SPMIP11: variants seen among roughly 807,000 people sequenced by gnomAD.
The protein encoded by SPMIP11 is long intergenic non-protein coding RNA 935.
At chr12:48,759,710 G>A in the SPMIP11 span, among the ~76,000 whole-genome samples, 100 of 151,540 alleles carry the variant, frequency 6.6e-4, 1 homozygote, top group African/African-American at 2.3e-3. Flanking sequence ...GTTGGGTATG[G>A]TTATCAGGCA....
chr12:48,766,903 A>C, the SPMIP11 span: 61 of 152,500 alleles, frequency 4.0e-4, no homozygotes, highest in African/African-American at 1.5e-3. Flanking sequence ...TTCAGGCCAG[A>C]GTCAAGGAGG....
chr12:48,762,356 C>G, the SPMIP11 span, among the ~76,000 whole-genome samples: 5 of 61,222 alleles, frequency 8.2e-5, no homozygotes, highest in Admixed American at 5.1e-4. Flanking sequence ...CCCCGCCCAG[C>G]TTTTTTTTTT....
the SPMIP11 span, chr12:48,770,669 C>G: frequency 4.0e-6 from 5 of 1,251,794 alleles, no homozygotes; most frequent in Admixed American, 8.8e-5. Flanking sequence ...CCACAGGAGC[C>G]CTGATGGGAA....
the SPMIP11 span, among the ~76,000 whole-genome samples, chr12:48,741,257 G>A: frequency 1.1e-4 from 17 of 151,596 alleles, no homozygotes; most frequent in Admixed American, 1.1e-3. Context: ...CTCCATGTTG[G>A]TCAGGCTGGT....
the SPMIP11 span, among the ~76,000 whole-genome samples, chr12:48,757,893 C>G: frequency 6.6e-6 from 1 of 151,824 alleles, no homozygotes. Context: ...ACTTGGCAGG[C>G]TGATGCAGGA....
chr12:48,770,371 C>A, the SPMIP11 span, among the ~76,000 whole-genome samples: 1 of 152,172 alleles, frequency 6.6e-6, no homozygotes, highest in Non-Finnish European at 1.5e-5. Context: ...CTATTAACCA[C>A]TCCCATCCAC....
chr12:48,747,341 T>G, the SPMIP11 span, among the ~76,000 whole-genome samples: 1 of 152,124 alleles, frequency 6.6e-6, no homozygotes, highest in African/African-American at 2.4e-5. Context: ...AGCAACAGCC[T>G]GAAGAATGAG....
the SPMIP11 span, chr12:48,768,481 T>G: frequency 6.7e-7 from 1 of 1,503,214 alleles, no homozygotes; most frequent in Non-Finnish European, 9.2e-7. Context: ...CCTTTTGTGG[T>G]TAGCAGGGTC....
chr12:48,741,007 G>A, the SPMIP11 span, among the ~76,000 whole-genome samples: 1 of 151,618 alleles, frequency 6.6e-6, no homozygotes, highest in Non-Finnish European at 1.5e-5. Flanking sequence ...CATTTAGTGA[G>A]CGTGTCTCTT....
chr12:48,770,924 A>G, the SPMIP11 span: 6 of 1,614,204 alleles, frequency 3.7e-6, no homozygotes, highest in Non-Finnish European at 5.1e-6. Flanking sequence ...GGTGCTACCA[A>G]TCGTCTTGAT....
chr12:48,734,795 A>G, the SPMIP11 span, among the ~76,000 whole-genome samples: 5 of 151,960 alleles, frequency 3.3e-5, no homozygotes, highest in Non-Finnish European at 7.4e-5. Flanking sequence ...TGAGGTCAGC[A>G]GATCGAGACC....
At chr12:48,728,171 TA>T in the SPMIP11 span, among the ~76,000 whole-genome samples, 2 of 150,178 alleles carry the variant, frequency 1.3e-5, no homozygotes, top group African/African-American at 4.8e-5. Flanking sequence ...TGTTGGTGAC[TA>T]GGGTTAAGAC....
chr12:48,747,348 T>C, the SPMIP11 span, among the ~76,000 whole-genome samples: 1 of 152,252 alleles, frequency 6.6e-6, no homozygotes, highest in Admixed American at 6.5e-5. Flanking sequence ...GCCTGAAGAA[T>C]GAGGAGCTTG....
At chr12:48,761,093 G>A in the SPMIP11 span, among the ~76,000 whole-genome samples, 2 of 152,106 alleles carry the variant, frequency 1.3e-5, no homozygotes, top group African/African-American at 4.8e-5. Context: ...ATTGTCAAGA[G>A]AGAACATGTA....
At chr12:48,742,083 A>G in the SPMIP11 span, among the ~76,000 whole-genome samples, 1 of 151,912 alleles carries the variant, frequency 6.6e-6, no homozygotes, top group African/African-American at 2.4e-5. Context: ...CTACAATTTT[A>G]AAAAAAATTT....
At chr12:48,741,027 T>C in the SPMIP11 span, among the ~76,000 whole-genome samples, 1 of 152,030 alleles carries the variant, frequency 6.6e-6, no homozygotes, top group African/African-American at 2.4e-5. Context: ...TTAGTCTCCT[T>C]TAATCTGGAA....
chr12:48,734,123 G>C, the SPMIP11 span, among the ~76,000 whole-genome samples: 1 of 151,860 alleles, frequency 6.6e-6, no homozygotes, highest in Non-Finnish European at 1.5e-5. Flanking sequence ...TGTTTGTTTA[G>C]AGACAGGGTC....
chr12:48,760,661 G>A, the SPMIP11 span, among the ~76,000 whole-genome samples: 2 of 152,204 alleles, frequency 1.3e-5, no homozygotes, highest in Middle Eastern at 6.8e-3. Context: ...TGAGTAGGTG[G>A]GACTACAGGA....
chr12:48,765,550 A>C, the SPMIP11 span: 1 of 701,692 alleles, frequency 1.4e-6, no homozygotes. Flanking sequence ...ATTTTTAAGG[A>C]TCTCCTGCTC....
Sources: allele counts gnomAD v4.1 joint callset (sites outside exome capture counted in the v4.1 genomes callset), GRCh38; gene constraint gnomAD v4.1.1; transcripts MANE v1.5; gene names NCBI Gene and HGNC (gene_info 2026-07-23, HGNC 2026-07-21).